CDH13: variants seen among roughly 807,000 people sequenced by gnomAD.
The protein encoded by CDH13 is cadherin-13.
A neutral mutation model predicts 63.8 loss-of-function variants in CDH13; 24 were observed. The ratio of observed to expected loss-of-function variants is 0.38; its 90% CI spans 0.27 to 0.53. The LOEUF is 0.53. Among genes scored for constraint, CDH13 ranks in the 20% least tolerant of loss-of-function variants. The pLI, the probability that CDH13 is intolerant of heterozygous loss-of-function variation, is 0.85. For missense variants in CDH13, 1,049 were observed against 903.1 expected, an observed-to-expected ratio of 1.16 and a Z score of -2.07; for synonymous variants, 503 against 355.3, an observed-to-expected ratio of 1.42 and a Z score of -4.67.
At chr16:83,233,560 A>T (rs1281095501) in intron 5 of CDH13, among the ~76,000 whole-genome samples, 1 of 152,182 alleles carries the variant, frequency 6.6e-6, no homozygotes, top group South Asian at 2.1e-4. Flanking sequence ...TTCTTCTGGA[A>T]GGGAGCATCA....
chr16:82,628,744 C>A (rs900690103), intron 1 of CDH13, among the ~76,000 whole-genome samples: 12 of 152,136 alleles, frequency 7.9e-5, no homozygotes, highest in African/African-American at 2.7e-4. Flanking sequence ...ACCCTAGAGA[C>A]CCCAAGGCTG....
In CDH13 at chr16:83,343,065, T is replaced by A. The variant is rs547878941; in HGVS notation, c.637-1797T>A. Among the ~76,000 whole-genome samples the A allele has an allele frequency of 1.4e-4, 21 of 152,180 alleles. No homozygotes were observed. In the South Asian group the frequency reaches 1.9e-3, roughly 14 times the overall value. Reference sequence around the variant, plus strand: ...CCTTTGTGTGCAGATATTACGAGGCTCTGTTCACTTCATTTTTTCTTATTA... The same window carrying A: ...CCTTTGTGTGCAGATATTACGAGGCACTGTTCACTTCATTTTTTCTTATTA... On this transcript the variant is annotated intron_variant, in intron 5 of 13. Transcript: ENST00000567109.
chr16:82,887,131 T>G (rs950022697), intron 2 of CDH13, among the ~76,000 whole-genome samples: 1 of 152,150 alleles, frequency 6.6e-6, no homozygotes. Flanking sequence ...GGAAACCACT[T>G]TCGAACTTGT....
intron 1 of CDH13, among the ~76,000 whole-genome samples, chr16:82,674,029 G>T (rs185294106): frequency 6.6e-6 from 1 of 152,280 alleles, no homozygotes; most frequent in East Asian, 1.9e-4. Flanking sequence ...TCGAAGAAGG[G>T]GAACAGAGCT....
intron 10 of CDH13, among the ~76,000 whole-genome samples, chr16:83,703,068 G>C (rs961872140): frequency 6.6e-6 from 1 of 152,192 alleles, no homozygotes; most frequent in African/African-American, 2.4e-5. Context: ...GCTAACAAGA[G>C]CGTTCCTCCT....
At chr16:83,436,833 AT>A (rs1205033446) in intron 6 of CDH13, among the ~76,000 whole-genome samples, 1 of 152,218 alleles carries the variant, frequency 6.6e-6, no homozygotes, top group Non-Finnish European at 1.5e-5. Flanking sequence ...GTGACATTTA[AT>A]CCATAGAGAT....
rs1006082652 is a variant in CDH13, at chr16:82,886,206, CTGT to C, written c.157+27738_157+27740del. ...TATTCATTTAGACTATATCAAATTT[CTGT>C]TGTTATTAATAATGCTGCAGTGAAC... On this transcript the variant is annotated intron_variant, in intron 2 of 13. Coordinates refer to ENST00000567109, the MANE Select transcript of CDH13 (RefSeq NM_001257.5). 3.5e-4 allele frequency among the ~76,000 whole-genome samples: 54 copies of C among 152,244 alleles called. 2 individuals carry two copies. Among genetic ancestry groups the C allele is most frequent in the Middle Eastern group, 6.8e-3 (2 of 294 alleles).
At chr16:83,616,855 G>C (rs527927795) in intron 8 of CDH13, among the ~76,000 whole-genome samples, 1 of 152,110 alleles carries the variant, frequency 6.6e-6, no homozygotes, top group Non-Finnish European at 1.5e-5. Context: ...GCCTGCCTTC[G>C]TCTTAGGCCA....
chr16:83,746,961 A>G (rs760509791), intron 10 of CDH13, among the ~76,000 whole-genome samples: 4 of 152,214 alleles, frequency 2.6e-5, no homozygotes, highest in Non-Finnish European at 4.4e-5. Flanking sequence ...AAACCCCTTA[A>G]AACAGTAGTT....
chr16:83,510,059 T>C (rs985767313), intron 7 of CDH13, among the ~76,000 whole-genome samples: 1 of 152,214 alleles, frequency 6.6e-6, no homozygotes. Context: ...AAGTGGAATG[T>C]GATTCCTTGA....
intron 4 of CDH13, among the ~76,000 whole-genome samples, chr16:83,167,983 G>C (rs2037756354): frequency 6.6e-6 from 1 of 151,996 alleles, no homozygotes; most frequent in African/African-American, 2.4e-5. Context: ...TCACTTATAA[G>C]TGGGACCTAA....
intron 6 of CDH13, among the ~76,000 whole-genome samples, chr16:83,365,429 C>A (rs1232119800): frequency 1.3e-5 from 2 of 152,168 alleles, no homozygotes; most frequent in African/African-American, 2.4e-5. Context: ...GCCCTTACAT[C>A]CAGAATAAGA....
At chr16:83,292,923 T>C (rs2089499051) in intron 5 of CDH13, among the ~76,000 whole-genome samples, 2 of 152,204 alleles carry the variant, frequency 1.3e-5, no homozygotes, top group Non-Finnish European at 2.9e-5. Flanking sequence ...ACAATATCTA[T>C]TGGGTAATTA....
At chr16:82,910,834 G>T (rs1446402643) in intron 2 of CDH13, among the ~76,000 whole-genome samples, 2 of 152,196 alleles carry the variant, frequency 1.3e-5, no homozygotes, top group African/African-American at 4.8e-5. Flanking sequence ...TCAGAGCACA[G>T]TGAGGGTGTT....
At chr16:82,903,367 G>A (rs1255613894) in intron 2 of CDH13, among the ~76,000 whole-genome samples, 1 of 152,186 alleles carries the variant, frequency 6.6e-6, no homozygotes, top group African/African-American at 2.4e-5. Context: ...CTGGGTTGGT[G>A]TTTGACCCTG....
chr16:83,022,907 T>C (rs1207662765), intron 2 of CDH13: 1 of 152,230 alleles, frequency 6.6e-6, no homozygotes, highest in Non-Finnish European at 1.5e-5. Context: ...TACCTAGCTC[T>C]GCAAGCAGGA....
At chr16:83,176,402 C>G (rs2038124599) in intron 4 of CDH13, among the ~76,000 whole-genome samples, 1 of 149,876 alleles carries the variant, frequency 6.7e-6, no homozygotes, top group South Asian at 2.1e-4. Context: ...CCCAGCTACT[C>G]AGGAGGCTGA....
chr16:82,867,353 G>A (rs1032434588), intron 2 of CDH13, among the ~76,000 whole-genome samples: 1 of 152,076 alleles, frequency 6.6e-6, no homozygotes, highest in Non-Finnish European at 1.5e-5. Context: ...TATCAACCAG[G>A]GTGAGATAGA....
rs528713073 is a variant in CDH13 at position 82,644,496 on chromosome 16, A to G, written c.45+17359A>G. On this transcript the variant is annotated intron_variant, in intron 1 of 13. Transcript: ENST00000567109. This position sits in a 1 kb window ranked among gnomAD's most constrained non-coding sequence, Gnocchi z 5.7. ...ATGCTGAGTGACAAAGCCATTAGCC[A>G]TGCACAGTGAAACAAGGAAAGCAGC... 1.1e-4 allele frequency among the ~76,000 whole-genome samples: 16 copies of G among 152,312 alleles called. No individual in the cohort carries two copies. The East Asian group carries it at 3.1e-3, about 29-fold the overall frequency.
Sources: allele counts gnomAD v4.1 joint callset (sites outside exome capture counted in the v4.1 genomes callset), GRCh38; gene constraint gnomAD v4.1.1; non-coding constraint Gnocchi (gnomAD v3.1); transcripts MANE v1.5; gene names NCBI Gene and HGNC (gene_info 2026-07-23, HGNC 2026-07-21).